The following VAV1 variants were observed in gnomAD, a reference collection of about 807,000 sequenced individuals.
VAV1 encodes the protein proto-oncogene vav.
VAV1 carries 33 observed loss-of-function variants against 128.1 expected under a neutral mutation model. That is an observed-to-expected ratio of 0.26 (90% CI 0.20 to 0.34). The LOEUF is 0.34. Among genes scored for constraint, VAV1 ranks in the 10% least tolerant of loss-of-function variants. VAV1 has a pLI of 1.00. For synonymous variants in VAV1, 394 were observed against 409.8 expected (o/e 0.96, Z 0.47); for missense variants, 715 against 1,093.7 (o/e 0.65, Z 4.88).
chr19:6,775,098 G>T (rs904405200), intron 1 of VAV1, among the ~76,000 whole-genome samples: 1 of 152,014 alleles, frequency 6.6e-6, no homozygotes, highest in Non-Finnish European at 1.5e-5. Flanking sequence ...GGATTACACT[G>T]TCCTCAGCTG....
chr19:6,826,553 G>C lies in VAV1; in HGVS notation c.828-59G>C. On this transcript the variant is annotated intron_variant, in intron 8 of 26. Coordinates refer to ENST00000602142, the MANE Select transcript of VAV1 (RefSeq NM_005428.4). The surrounding 1 kb of genome is among the most constrained non-coding windows in gnomAD (Gnocchi z 4.1). ...AAGAGCAAGGCCAGGGCTGACGCCA[G>C]CCTCTGCCCGACCTTGATGCCAGTC... 1 of 1,359,630 alleles carries C rather than the reference G, an allele frequency of 7.4e-7. No homozygotes were observed. The highest frequency in any genetic ancestry group is 1.0e-6 in the Non-Finnish European group (1 of 976,130). 84.2% of individuals were successfully genotyped at this position (1,359,630 alleles called of 1,614,324 possible).
chr19:6,829,711 G>A, intron 13 of VAV1, 75 bp from the exon 14 acceptor site: 1 of 1,590,310 alleles, frequency 6.3e-7, no homozygotes, highest in Non-Finnish European at 8.6e-7. Flanking sequence ...GGACCAGGAT[G>A]TGGAGGAACT....
intron 21 of VAV1, among the ~76,000 whole-genome samples, chr19:6,842,473 C>T (rs1373363632): frequency 6.6e-6 from 1 of 152,110 alleles, no homozygotes; most frequent in Non-Finnish European, 1.5e-5. Context: ...TCCTACAAAG[C>T]ATAATTCATG....
chr19:6,808,570 G>A (rs150952336), intron 1 of VAV1, among the ~76,000 whole-genome samples: 1,837 of 152,232 alleles, frequency 0.012, 9 homozygotes, highest in South Asian at 0.035. Context: ...CTGTTCTTCC[G>A]CCACCTGTGA....
At position 6,828,573 on chromosome 19, in the gene VAV1, G is replaced by A; in HGVS notation, c.1093-49G>A. On this transcript the variant is annotated intron_variant, in intron 11 of 26. Transcript: ENST00000602142. The surrounding 1 kb of genome is among the most constrained non-coding windows in gnomAD (Gnocchi z 4.5). ...ATCCTCTAGCCGGGATTAGGTAGGA[G>A]CCTGGGTCGGCTGTTGGGGGGCCAG... 1 of 1,613,754 alleles carries A rather than the reference G, an allele frequency of 6.2e-7. No individual in the cohort carries two copies. Among genetic ancestry groups the A allele is most frequent in the Non-Finnish European group, 8.5e-7 (1 of 1,179,676 alleles).
chr19:6,852,619 G>C (rs1972694657), intron 24 of VAV1, among the ~76,000 whole-genome samples: 1 of 151,956 alleles, frequency 6.6e-6, no homozygotes, highest in Non-Finnish European at 1.5e-5. Flanking sequence ...TACTCGGGAG[G>C]CTGAGGCAGG....
rs1450002606 is a variant in VAV1 at position 6,822,789 on chromosome 19, A to T, written c.654+275A>T. On this transcript the variant is annotated intron_variant, in intron 6 of 26. Transcript: ENST00000602142. This position sits in a 1 kb window ranked among gnomAD's most constrained non-coding sequence, Gnocchi z 5.9. ...CCAAAAACAAACAAAATAAATACAAAATCAAAAATATATAAATATATTAAA... is the reference window on the plus strand; with the variant it reads ...CCAAAAACAAACAAAATAAATACAATATCAAAAATATATAAATATATTAAA... Among the ~76,000 whole-genome samples, 1 of 147,864 alleles carries T rather than the reference A, an allele frequency of 6.8e-6. No individual in the cohort carries two copies. Among genetic ancestry groups the T allele is most frequent in the African/African-American group, 2.4e-5 (1 of 40,852 alleles).
chr19:6,832,084 C>G lies in VAV1; in HGVS notation c.1399-7C>G, dbSNP rs759220633. The stretch of plus-strand genomic sequence containing the variant: ...GTGCCTTCAGTCTGAGCTCTGCTTC[C>G]CTGCAGTGGAGCCACATGTTCCTCC... On this transcript the variant is annotated splice_region_variant and splice_polypyrimidine_tract_variant and intron_variant, in intron 14 of 26. Coordinates refer to ENST00000602142, the MANE Select transcript of VAV1 (RefSeq NM_005428.4). 3.1e-6 allele frequency: 5 copies of G among 1,613,762 alleles called. No homozygotes were observed. Among genetic ancestry groups the G allele is most frequent in the Non-Finnish European group, 4.2e-6 (5 of 1,179,842 alleles).
chr19:6,831,155 C>G (rs993874819), intron 14 of VAV1, among the ~76,000 whole-genome samples: 2 of 152,050 alleles, frequency 1.3e-5, no homozygotes, highest in East Asian at 3.9e-4. Context: ...AGCTATCTTA[C>G]CTCCATTGTT....
chr19:6,814,663 CCTTCCTTCCTTTCTTTCTTT>C (rs1971585721), intron 1 of VAV1, among the ~76,000 whole-genome samples: 2 of 26,530 alleles, frequency 7.5e-5, no homozygotes, highest in Non-Finnish European at 1.3e-4. Flanking sequence ...TTCCTTCCTT[CCTTCCTTCCTTTCTTTCTTT>C]CTTTCTTTCT....
chr19:6,797,743 TAAA>T (rs530435791), intron 1 of VAV1, among the ~76,000 whole-genome samples: 2 of 89,906 alleles, frequency 2.2e-5, no homozygotes, highest in Non-Finnish European at 2.3e-5. Context: ...AAACTCCGTC[TAAA>T]AAAAAAAAAA....
Position 6,820,135 on chromosome 19 carries a change from A to T in VAV1, c.205-567A>T, listed in dbSNP as rs1359764875. ...GGAATTCAAGACCAGCCTGGGCAAC[A>T]TAGCGAGACCTCGTCTCTACAAAAA... On this transcript the variant is annotated intron_variant, in intron 1 of 26. Coordinates refer to ENST00000602142, the MANE Select transcript of VAV1 (RefSeq NM_005428.4). The surrounding 1 kb of genome is among the most constrained non-coding windows in gnomAD (Gnocchi z 4.4). 6.6e-6 allele frequency among the ~76,000 whole-genome samples: 1 copy of T among 152,350 alleles called. No homozygotes were observed. Among genetic ancestry groups the T allele is most frequent in the East Asian group, 1.9e-4 (1 of 5,190 alleles).
At chr19:6,829,648 A>G (rs566417859) in intron 13 of VAV1, 138 bp from the exon 14 acceptor site, 1 of 1,283,006 alleles carries the variant, frequency 7.8e-7, no homozygotes, top group Non-Finnish European at 1.1e-6. Context: ...TGAAGTCAGG[A>G]TGGACAGGTG....
At chr19:6,789,260 CTTT>C (rs771682522) in intron 1 of VAV1, among the ~76,000 whole-genome samples, 1 of 144,934 alleles carries the variant, frequency 6.9e-6, no homozygotes, top group Non-Finnish European at 1.5e-5. Context: ...CTCCTTTCTT[CTTT>C]TTTTTTTTTG....
chr19:6,781,501 CTTATGT>C (rs750870866), intron 1 of VAV1, among the ~76,000 whole-genome samples: 2 of 152,082 alleles, frequency 1.3e-5, no homozygotes, highest in Non-Finnish European at 2.9e-5. Flanking sequence ...AGCCTCTTTC[CTTATGT>C]TTAAGAGCTA....
At chr19:6,797,531 C>A (rs556878616) in intron 1 of VAV1, among the ~76,000 whole-genome samples, 2 of 151,846 alleles carry the variant, frequency 1.3e-5, no homozygotes, top group South Asian at 4.2e-4. Flanking sequence ...TAGTAAAACC[C>A]AGTCTCTACT....
At chr19:6,791,957 G>T (rs1971027984) in intron 1 of VAV1, among the ~76,000 whole-genome samples, 1 of 151,280 alleles carries the variant, frequency 6.6e-6, no homozygotes, top group Non-Finnish European at 1.5e-5. Context: ...AAAGAATGAG[G>T]TTTGGGAGGA....
At position 6,847,988 on chromosome 19, in the gene VAV1, C is replaced by T; in HGVS notation, c.2013-10C>T. 6.7e-7 allele frequency: 1 copy of T among 1,498,970 alleles called. No individual in the cohort carries two copies. The highest frequency in any genetic ancestry group is 2.7e-5 in the East Asian group (1 of 37,000). 92.9% of individuals were successfully genotyped at this position (1,498,970 alleles called of 1,614,324 possible). On this transcript the variant is annotated splice_polypyrimidine_tract_variant and intron_variant, in intron 22 of 26. Coordinates refer to ENST00000602142, the MANE Select transcript of VAV1 (RefSeq NM_005428.4). ...ACCGTGCCACCTCTGTCCTTGGTGT[C>T]TCTTTGCAGGTACGCAGGCCCCATG...
chr19:6,854,412 T>TA (rs1972744900), intron 26 of VAV1, among the ~76,000 whole-genome samples: 1 of 151,626 alleles, frequency 6.6e-6, no homozygotes, highest in Non-Finnish European at 1.5e-5. Context: ...TGACACTGAG[T>TA]GGTCAAGACT....
Sources: allele counts gnomAD v4.1 joint callset (sites outside exome capture counted in the v4.1 genomes callset), GRCh38; gene constraint gnomAD v4.1.1; non-coding constraint Gnocchi (gnomAD v3.1); transcripts MANE v1.5; gene names NCBI Gene and HGNC (gene_info 2026-07-23, HGNC 2026-07-21).